Variants in THAP4 observed in about 807,000 individuals in gnomAD.
THAP4 encodes the protein THAP domain containing 4.
In THAP4, 18 loss-of-function variants were observed where a neutral mutation model predicts 48.1. The observed-to-expected ratio is 0.37, with a 90% CI of 0.26 to 0.56. The LOEUF (loss-of-function observed/expected upper bound fraction) is 0.56. Ranked by LOEUF, THAP4 falls within the 20% of genes least tolerant of loss-of-function variation. The pLI, the probability that THAP4 is intolerant of heterozygous loss-of-function variation, is 0.78. For synonymous variants in THAP4, 345 were observed against 324.9 expected, an observed-to-expected ratio of 1.06 and a Z score of -0.66; for missense variants, 656 against 774.9, an observed-to-expected ratio of 0.85 and a Z score of 1.82.
chr2:241,633,096 T>G lies in THAP4; in HGVS notation c.1061A>C (p.Gln354Pro), dbSNP rs765880797. Residue 354 changes from glutamine to proline, a missense_variant, in exon 2 of 6, where the codon CAG becomes CCG. Gln to Pro is a moderately conservative substitution (Grantham distance 76, BLOSUM62 -1). Coordinates refer to ENST00000407315, the MANE Select transcript of THAP4 (RefSeq NM_015963.6). This position sits in a 1 kb window ranked among gnomAD's most constrained non-coding sequence, Gnocchi z 7.5. ...SLHSYCFSSR[Q>P]NKSQVCCLRE... ...CAGGCAGCACACCTGGCTCTTGTTC[T>G]GCCGGGAGGAGAAGCAGTAGGAGTG... is the stretch of plus-strand genomic sequence containing the variant. 17 of 1,613,850 alleles carry G rather than the reference T, an allele frequency of 1.1e-5. No individual in the cohort carries two copies. Among genetic ancestry groups the G allele is most frequent in the Non-Finnish European group, 1.4e-5 (17 of 1,179,988 alleles).
Position 241,628,873 on chromosome 2 carries a change from G to A in THAP4, c.1240+4044C>T, listed in dbSNP as rs564775676. 4.2e-5 allele frequency among the ~76,000 whole-genome samples: 6 copies of A among 141,584 alleles called. 1 individual carries two copies. The South Asian group carries it at 9.1e-4, about 21-fold the overall frequency. The allele number at this position is 141,584 out of a possible 152,430, so 92.9% of individuals were successfully genotyped here. A position where few individuals can be genotyped will look rare whatever the true frequency, so the allele number is the denominator to read the frequency against. ...GAGGATCGCTGGAGCCCAGGGGGTC[G>A]TGGCCGCAGTAAGACGAGATCATGC... On this transcript the variant is annotated intron_variant, in intron 2 of 5. Coordinates refer to ENST00000407315, the MANE Select transcript of THAP4 (RefSeq NM_015963.6).
In THAP4 at chr2:241,616,950, CT is replaced by C. The variant is rs199561047; in HGVS notation, c.1241-10478del. On this transcript the variant is annotated intron_variant, in intron 2 of 5. Transcript: ENST00000407315. The surrounding 1 kb of genome is among the most constrained non-coding windows in gnomAD (Gnocchi z 4.6). ...CACTGCACCTCACCAGGTTAACCTG[CT>C]CCTGGGGCCGCTCCCCCTGCACCCT... is the stretch of plus-strand genomic sequence containing the variant. 0.017 allele frequency among the ~76,000 whole-genome samples: 2,642 copies of C among 152,286 alleles called. 31 individuals carry two copies. The highest frequency in any genetic ancestry group is 0.026 in the Non-Finnish European group (1,761 of 68,032).
At chr2:241,628,639 C>T (rs187830659) in intron 2 of THAP4, among the ~76,000 whole-genome samples, 3 of 151,856 alleles carry the variant, frequency 2.0e-5, no homozygotes, top group East Asian at 1.9e-4. Context: ...GTCACCAGCG[C>T]CCCCCTCAAA....
intron 2 of THAP4, among the ~76,000 whole-genome samples, chr2:241,621,380 AT>A (rs2067427620): frequency 1.3e-5 from 2 of 152,176 alleles, no homozygotes; most frequent in South Asian, 4.1e-4. Context: ...AATCAGTACA[AT>A]TAATATGCTA....
At chr2:241,622,237 C>T (rs976024591) in intron 2 of THAP4, among the ~76,000 whole-genome samples, 1 of 152,066 alleles carries the variant, frequency 6.6e-6, no homozygotes, top group Non-Finnish European at 1.5e-5. Context: ...TGGTGGCGGG[C>T]GCCTGTGATC....
chr2:241,622,505 G>A (rs1243221649), intron 2 of THAP4, among the ~76,000 whole-genome samples: 3 of 152,016 alleles, frequency 2.0e-5, no homozygotes, highest in Non-Finnish European at 4.4e-5. Flanking sequence ...AAACTAAAAT[G>A]TATGTAAAAA....
At chr2:241,637,348 G>A (rs1409045897), upstream of THAP4, 3 of 1,308,618 alleles carry the variant, frequency 2.3e-6, no homozygotes, top group East Asian at 5.4e-5. Context: ...TGGGCGCGCC[G>A]AGCACGTCCG....
chr2:241,593,401 T>C (rs1221117015), intron 5 of THAP4, among the ~76,000 whole-genome samples: 1 of 152,156 alleles, frequency 6.6e-6, no homozygotes, highest in Non-Finnish European at 1.5e-5. Flanking sequence ...CCGACTGGAA[T>C]GGCAGTGAAG....
At chr2:241,613,755 A>C (rs563452094) in intron 2 of THAP4, among the ~76,000 whole-genome samples, 110 of 152,296 alleles carry the variant, frequency 7.2e-4, no homozygotes, top group African/African-American at 2.4e-3. Flanking sequence ...ACCCTGTCTC[A>C]GAAACAAAAC....
At position 241,634,231 on chromosome 2, in the gene THAP4, C is replaced by T. The variant is rs146787372; in HGVS notation, c.78-152G>A. ...AAATACTTCAAAAAGATTTAAAGAA[C>T]ATCTTCTACCTGCAGTTATTACTGG... On this transcript the variant is annotated intron_variant, in intron 1 of 5. Transcript: ENST00000407315. 861 of 594,126 alleles carry T rather than the reference C, an allele frequency of 1.4e-3. 1 individual carries two copies. Among genetic ancestry groups the T allele is most frequent in the African/African-American group, 0.014 (727 of 52,032 alleles). The allele number at this position is 594,126 out of a possible 1,614,324, so 36.8% of individuals were successfully genotyped here.
chr2:241,621,193 C>T (rs1029975711), intron 2 of THAP4, among the ~76,000 whole-genome samples: 5 of 151,938 alleles, frequency 3.3e-5, no homozygotes, highest in African/African-American at 4.8e-5. Flanking sequence ...ACTAAAAATA[C>T]AAAAATTAGC....
chr2:241,607,615 C>T (rs1245206779), intron 2 of THAP4, among the ~76,000 whole-genome samples: 4 of 151,120 alleles, frequency 2.6e-5, no homozygotes, highest in Non-Finnish European at 4.4e-5. Flanking sequence ...GCCTCATCTA[C>T]GGAGCCCAAA....
At chr2:241,617,946 C>T (rs1238324795) in intron 2 of THAP4, among the ~76,000 whole-genome samples, 2 of 152,232 alleles carry the variant, frequency 1.3e-5, no homozygotes, top group Non-Finnish European at 2.9e-5. Context: ...AGCAAATGCA[C>T]CCACTGGGAC....
intron 5 of THAP4, among the ~76,000 whole-genome samples, chr2:241,595,551 C>T (rs142871136): frequency 0.035 from 5,299 of 151,866 alleles, 114 homozygotes; most frequent in Middle Eastern, 0.062. Flanking sequence ...GCAGGAGAAT[C>T]GCTTGAACCC....
chr2:241,595,305 G>A (rs888609295), intron 5 of THAP4, among the ~76,000 whole-genome samples: 7 of 150,984 alleles, frequency 4.6e-5, no homozygotes, highest in South Asian at 2.2e-4. Context: ...GTGAGCCACC[G>A]CACTCAGCCC....
intron 2 of THAP4, among the ~76,000 whole-genome samples, chr2:241,625,723 G>A (rs1432859544): frequency 4.8e-5 from 7 of 146,692 alleles, no homozygotes; most frequent in African/African-American, 1.0e-4. Context: ...GCTTGAACCC[G>A]GGAGGTGGTT....
At chr2:241,593,963 G>A (rs1034490830) in intron 5 of THAP4, among the ~76,000 whole-genome samples, 25 of 152,166 alleles carry the variant, frequency 1.6e-4, no homozygotes, top group African/African-American at 5.6e-4. Flanking sequence ...GGGATTACAC[G>A]TGTGAGCCAC....
At chr2:241,592,577 A>G (rs2066997875) in intron 5 of THAP4, among the ~76,000 whole-genome samples, 1 of 152,194 alleles carries the variant, frequency 6.6e-6, no homozygotes, top group East Asian at 1.9e-4. Flanking sequence ...GGCCATGCCC[A>G]CCAACACCCA....
chr2:241,620,326 G>A (rs1244289962), intron 2 of THAP4, among the ~76,000 whole-genome samples: 3 of 108,636 alleles, frequency 2.8e-5, no homozygotes, highest in East Asian at 3.4e-4. Flanking sequence ...TGAGTGAGTC[G>A]GTGAGTGAGT....
Sources: allele counts gnomAD v4.1 joint callset (sites outside exome capture counted in the v4.1 genomes callset), GRCh38; gene constraint gnomAD v4.1.1; non-coding constraint Gnocchi (gnomAD v3.1); transcripts MANE v1.5; gene names NCBI Gene and HGNC (gene_info 2026-07-23, HGNC 2026-07-21).